Variants in LMO7 observed in about 807,000 individuals in gnomAD.
The protein encoded by LMO7 is LIM domain only protein 7.
In LMO7, 120 loss-of-function variants were observed where a neutral mutation model predicts 206.5. The observed-to-expected ratio is 0.58, with a 90% CI of 0.50 to 0.68. The LOEUF (loss-of-function observed/expected upper bound fraction) is 0.68. Ranked by LOEUF, LMO7 falls within the 30% of genes least tolerant of loss-of-function variation. The pLI, the probability that LMO7 is intolerant of heterozygous loss-of-function variation, is 0.00. For missense variants in LMO7, 1,959 were observed against 1,957.9 expected (o/e 1.00, Z -0.01); for synonymous variants, 706 against 681.5 (o/e 1.04, Z -0.56).
At chr13:75,838,068 C>A in intron 19 of LMO7, 72 bp from the exon 20 acceptor site, 1 of 852,762 alleles carries the variant, frequency 1.2e-6, no homozygotes, top group Non-Finnish European at 2.0e-6. Context: ...AAAGGTATAT[C>A]AAGTATCGTT....
At chr13:75,824,334 G>A (rs867316890) in intron 15 of LMO7, among the ~76,000 whole-genome samples, 2 of 152,176 alleles carry the variant, frequency 1.3e-5, no homozygotes, top group South Asian at 4.1e-4. Flanking sequence ...TTTCTTTTTC[G>A]ATAATTTTAA....
intron 26 of LMO7, among the ~76,000 whole-genome samples, chr13:75,848,431 T>TCATCTATCTATCTATC (rs1555348051): frequency 0.011 from 1,589 of 150,638 alleles, 9 homozygotes; most frequent in South Asian, 0.015. Context: ...TTCCATGCGA[T>TCATCTATCTATCTATC]TATCTATCTA....
At chr13:75,714,360 A>G (rs893325560) in intron 2 of LMO7, among the ~76,000 whole-genome samples, 1 of 152,174 alleles carries the variant, frequency 6.6e-6, no homozygotes, top group African/African-American at 2.4e-5. Flanking sequence ...TAAGGTTTTT[A>G]TAAACGATCA....
chr13:75,833,189 T>C (rs1566573039), intron 16 of LMO7, 24 bp downstream of exon 16: 1 of 1,286,178 alleles, frequency 7.8e-7, no homozygotes, highest in African/African-American at 1.5e-5. Context: ...TTAGCTCTAC[T>C]GAATTTTCTT....
At chr13:75,831,814 C>G (rs185230890) in intron 15 of LMO7, among the ~76,000 whole-genome samples, 7 of 152,294 alleles carry the variant, frequency 4.6e-5, no homozygotes, top group Admixed American at 3.3e-4. Context: ...GGTAACACTT[C>G]CCAGCACTAC....
chr13:75,811,395 T>C (rs1372893444), intron 11 of LMO7, among the ~76,000 whole-genome samples: 1 of 152,100 alleles, frequency 6.6e-6, no homozygotes, highest in Non-Finnish European at 1.5e-5. Flanking sequence ...AAAATAGAAA[T>C]TTAAATTGGA....
At chr13:75,629,236 GTT>G (rs1689385622) in intron 2 of LMO7, among the ~76,000 whole-genome samples, 1 of 152,122 alleles carries the variant, frequency 6.6e-6, no homozygotes, top group Non-Finnish European at 1.5e-5. Context: ...CTACTCTGCT[GTT>G]ATCAATGCTT....
At chr13:75,833,764 C>G (rs1434900641) in intron 16 of LMO7, among the ~76,000 whole-genome samples, 2 of 151,948 alleles carry the variant, frequency 1.3e-5, no homozygotes, top group South Asian at 2.1e-4. Context: ...CATGTTAACA[C>G]CAGTTAGTTC....
chr13:75,738,195 C>T (rs2046111319), intron 3 of LMO7, among the ~76,000 whole-genome samples: 1 of 152,182 alleles, frequency 6.6e-6, no homozygotes, highest in Non-Finnish European at 1.5e-5. Flanking sequence ...AGGGTTTAAG[C>T]TGAGTTGTTA....
At chr13:75,623,680 A>T (rs111522663) in intron 2 of LMO7, among the ~76,000 whole-genome samples, 175 of 152,252 alleles carry the variant, frequency 1.1e-3, no homozygotes, top group African/African-American at 2.8e-3. Flanking sequence ...AAAAAAAAAA[A>T]AATAATTAAA....
At chr13:75,697,406 T>C (rs2137842448) in intron 1 of LMO7, among the ~76,000 whole-genome samples, 1 of 152,288 alleles carries the variant, frequency 6.6e-6, no homozygotes, top group South Asian at 2.1e-4. Context: ...TCTTACATGA[T>C]GGCAGGCAAG....
At chr13:75,829,709 T>C (rs2058471993) in intron 15 of LMO7, among the ~76,000 whole-genome samples, 1 of 152,136 alleles carries the variant, frequency 6.6e-6, no homozygotes, top group African/African-American at 2.4e-5. Flanking sequence ...TGTTTTTTTT[T>C]TTAAATTCTA....
intron 11 of LMO7, among the ~76,000 whole-genome samples, chr13:75,814,716 G>A (rs886473080): frequency 1.6e-4 from 24 of 152,288 alleles, no homozygotes; most frequent in African/African-American, 5.8e-4. Context: ...CTTTGAAGGA[G>A]AAAGGACTAG....
chr13:75,692,852 T>G (rs1281352538), intron 1 of LMO7, among the ~76,000 whole-genome samples: 1 of 152,234 alleles, frequency 6.6e-6, no homozygotes, highest in East Asian at 1.9e-4. Flanking sequence ...GAGATAATAC[T>G]GGTGCCCTTC....
intron 1 of LMO7, chr13:75,623,166 A>G: frequency 1.6e-6 from 1 of 635,926 alleles, no homozygotes; most frequent in East Asian, 2.8e-5. Context: ...ATGCTTTGGA[A>G]TTTCAGTAAA....
Position 75,838,151 on chromosome 13 carries a change from AT to A in LMO7, c.3409del (p.Ser1137LeufsTer2). The part of the protein sequence containing the change: ...NAFESKASES[I>X]SLKNLKRRSQ... ...TTTTTTTCAACTAGCATCTGAATCC[AT>A]TTCTTTGAAAAACTTAAAAAGGCGA... On this transcript the variant is annotated frameshift_variant, in exon 20 of 31. Coordinates refer to ENST00000377534, the MANE Select transcript of LMO7 (RefSeq NM_001306080.2). LOFTEE classifies it high-confidence loss of function. 6.3e-7 allele frequency: 1 copy of A among 1,591,468 alleles called. No individual in the cohort carries two copies. Among genetic ancestry groups the A allele is most frequent in the Non-Finnish European group, 8.6e-7 (1 of 1,159,638 alleles).
At chr13:75,836,609 C>G (rs959517254) in intron 19 of LMO7, 152 bp downstream of exon 19, 12 of 551,128 alleles carry the variant, frequency 2.2e-5, no homozygotes, top group Non-Finnish European at 3.2e-5. Flanking sequence ...CCAATTGCAG[C>G]CAGGTGGAAG....
At chr13:75,657,873 A>G (rs1314143696) in intron 1 of LMO7, among the ~76,000 whole-genome samples, 4 of 152,120 alleles carry the variant, frequency 2.6e-5, no homozygotes, top group African/African-American at 9.7e-5. Flanking sequence ...CTTTGCTTTG[A>G]TGTCACAGTC....
intron 4 of LMO7, among the ~76,000 whole-genome samples, chr13:75,784,633 C>T (rs974190026): frequency 2.6e-5 from 4 of 152,104 alleles, no homozygotes; most frequent in Non-Finnish European, 5.9e-5. Context: ...AACTTATAAA[C>T]AACAATTTAC....
Sources: gnomAD v4.1 joint callset for allele counts (sites outside exome capture counted in the v4.1 genomes callset) on GRCh38, gnomAD v4.1.1 for gene constraint, MANE v1.5 for transcripts, NCBI Gene and HGNC (gene_info 2026-07-23, HGNC 2026-07-21) for gene names.